The following GRM4 variants were observed in gnomAD, a reference collection of about 807,000 sequenced individuals.
The protein encoded by GRM4 is metabotropic glutamate receptor 4.
Under a neutral mutation model 81.7 loss-of-function variants are expected in GRM4, and 28 were observed. The observed-to-expected ratio is 0.34, with a 90% CI of 0.25 to 0.47. The LOEUF is 0.47. Ranked by LOEUF, GRM4 falls within the 20% of genes least tolerant of loss-of-function variation. The probability of loss-of-function intolerance (pLI) is 1.00; values close to 1 mark genes in which losing one functional copy is unlikely to be tolerated. For missense variants in GRM4, 948 were observed against 1,290.0 expected (o/e 0.73, Z 4.06); for synonymous variants, 488 against 528.8 (o/e 0.92, Z 1.06).
intron 1 of GRM4, among the ~76,000 whole-genome samples, chr6:34,154,329 CCT>C (rs1771103682): frequency 6.6e-6 from 1 of 152,224 alleles, no homozygotes; most frequent in African/African-American, 2.4e-5. Context: ...CTCGTTCTCA[CCT>C]CTGTGGCCAA....
At chr6:34,120,524 T>C (rs993672394) in intron 2 of GRM4, among the ~76,000 whole-genome samples, 3 of 152,198 alleles carry the variant, frequency 2.0e-5, no homozygotes, top group Non-Finnish European at 4.4e-5. Flanking sequence ...TCAAAGTACT[T>C]ACAAGGCACT....
In GRM4 at chr6:34,136,650, A is replaced by G. The variant is rs1459790092; in HGVS notation, c.-363-2791T>C. On this transcript the variant is annotated intron_variant, in intron 1 of 10. Coordinates refer to ENST00000538487, the MANE Select transcript of GRM4 (RefSeq NM_000841.4). This position sits in a 1 kb window ranked among gnomAD's most constrained non-coding sequence, Gnocchi z 4.1. ...GGGGGAAGGAGGCCTCCAAGAGGAG[A>G]AAGGCAAACACCCGCAGATTAGAAT... 1.3e-5 allele frequency among the ~76,000 whole-genome samples: 2 copies of G among 151,894 alleles called. No homozygotes were observed. Among genetic ancestry groups the G allele is most frequent in the Admixed American group, 1.3e-4 (2 of 15,262 alleles).
chr6:34,061,843 C>G (rs767061778), intron 4 of GRM4, 50 bp downstream of exon 4: 2 of 1,578,490 alleles, frequency 1.3e-6, no homozygotes, highest in Admixed American at 3.4e-5. Flanking sequence ...CGTGGCTTTG[C>G]CCACACCTGC....
In GRM4 at chr6:34,087,683, C is replaced by T. The variant is rs116684137; in HGVS notation, c.736+4200G>A. ...TGCAACCAGAAGGTCCACACGTGCCCGCACACACACACACAACCCCCCCCC... is the reference window on the plus strand; with the variant it reads ...TGCAACCAGAAGGTCCACACGTGCCTGCACACACACACACAACCCCCCCCC... On this transcript the variant is annotated intron_variant, in intron 3 of 10. Transcript: ENST00000538487. Among the ~76,000 whole-genome samples, 831 of 143,236 alleles carry T rather than the reference C, an allele frequency of 5.8e-3. 5 individuals are homozygous for T. Among genetic ancestry groups the T allele is most frequent in the African/African-American group, 0.022 (787 of 35,036 alleles). The allele number at this position is 143,236 out of a possible 152,430, so 94.0% of individuals were successfully genotyped here.
At chr6:34,040,369 G>C (rs1422801934) in intron 7 of GRM4, 55 bp from the exon 8 acceptor site, 31 of 1,591,366 alleles carry the variant, frequency 1.9e-5, no homozygotes, top group Non-Finnish European at 2.3e-5. Context: ...CAGGGCGGAT[G>C]ATGAGCCTGG....
chr6:34,155,118 G>T (rs1330471952), exon 1 of GRM4: 3 of 1,530,328 alleles, frequency 2.0e-6, no homozygotes, highest in Admixed American at 2.0e-5. Context: ...GGCGGCGGGG[G>T]TCTATTTCAG....
chr6:34,083,678 G>T (rs1439741414), intron 3 of GRM4, among the ~76,000 whole-genome samples: 1 of 152,218 alleles, frequency 6.6e-6, no homozygotes, highest in Non-Finnish European at 1.5e-5. Flanking sequence ...AGAGGGCAGA[G>T]TGCTCAGCCT....
At chr6:34,110,862 G>A (rs1769346247) in intron 2 of GRM4, 5 of 1,320,352 alleles carry the variant, frequency 3.8e-6, no homozygotes, top group South Asian at 2.2e-5. Flanking sequence ...CAGGCCTGGA[G>A]GTGAGGAGAT....
In GRM4 at chr6:34,090,448, C is replaced by A. The variant is rs969022997; in HGVS notation, c.736+1435G>T. Among the ~76,000 whole-genome samples, 1 of 152,078 alleles carries A rather than the reference C, an allele frequency of 6.6e-6. No individual in the cohort carries two copies. The highest frequency in any genetic ancestry group is 6.6e-5 in the Admixed American group (1 of 15,266). Reference sequence around the variant, plus strand: ...AAAGGAGGAAAGGACATGTGGGTGGCCCAAGGGAGGGGCTGGGCTCTGGGG... The same window carrying A: ...AAAGGAGGAAAGGACATGTGGGTGGACCAAGGGAGGGGCTGGGCTCTGGGG... On this transcript the variant is annotated intron_variant, in intron 3 of 10. Transcript: ENST00000538487. This position sits in a 1 kb window ranked among gnomAD's most constrained non-coding sequence, Gnocchi z 5.2.
intron 1 of GRM4, among the ~76,000 whole-genome samples, chr6:34,145,110 C>T (rs1770871084): frequency 1.3e-5 from 2 of 152,052 alleles, no homozygotes; most frequent in Admixed American, 1.3e-4. Flanking sequence ...AGGTTTAAGC[C>T]GCGGCGAGGG....
At chr6:34,056,477 C>A in intron 6 of GRM4, 67 bp downstream of exon 6, 2 of 1,409,820 alleles carry the variant, frequency 1.4e-6, no homozygotes, top group Non-Finnish European at 2.0e-6. Flanking sequence ...CGGCCTCAGG[C>A]CCCCAGGCTC....
At chr6:34,072,617 CAT>C (rs1202793145) in intron 3 of GRM4, among the ~76,000 whole-genome samples, 70 of 5,496 alleles carry the variant, frequency 0.013, 1 homozygote, top group Middle Eastern at 0.083. Flanking sequence ...CACACACACA[CAT>C]CACCGCATAG....
At chr6:34,132,588 T>C (rs529070160) in intron 2 of GRM4, among the ~76,000 whole-genome samples, 2 of 152,366 alleles carry the variant, frequency 1.3e-5, no homozygotes, top group East Asian at 3.9e-4. Context: ...CACCTGCGTA[T>C]CTTTTTATCT....
intron 9 of GRM4, among the ~76,000 whole-genome samples, chr6:34,033,386 AG>A (rs897389387): frequency 9.1e-4 from 137 of 150,930 alleles, no homozygotes; most frequent in African/African-American, 3.0e-3. Context: ...CCAGAGCTGC[AG>A]GGGGGAAGGG....
chr6:34,040,430 A>G (rs1456597152), intron 7 of GRM4, 116 bp from the exon 8 acceptor site: 1 of 1,435,516 alleles, frequency 7.0e-7, no homozygotes, highest in Non-Finnish European at 9.7e-7. Flanking sequence ...GGGAGATTTC[A>G]CCTCTTGGAA....
intron 2 of GRM4, among the ~76,000 whole-genome samples, chr6:34,093,128 CT>C (rs1358646501): frequency 6.6e-6 from 1 of 152,198 alleles, no homozygotes; most frequent in Admixed American, 6.5e-5. Context: ...TTTTATGCCC[CT>C]AAGGAATCAC....
chr6:34,155,296 G>A (rs374131765), exon 1 of GRM4: 3 of 1,532,324 alleles, frequency 2.0e-6, no homozygotes, highest in Non-Finnish European at 1.7e-6. Flanking sequence ...GGAAGGTGGG[G>A]TACAGGGGTG....
rs1180558189 is a variant in GRM4 at position 34,089,188 on chromosome 6, C to T, written c.736+2695G>A. On this transcript the variant is annotated intron_variant, in intron 3 of 10. Transcript: ENST00000538487. This position sits in a 1 kb window ranked among gnomAD's most constrained non-coding sequence, Gnocchi z 4.3. ...CCCAGCCTGGCCAGCATGCCCTCCC[C>T]ACCACTCCCCTCTCTGGTGCTCCTC... Among the ~76,000 whole-genome samples the T allele has an allele frequency of 1.3e-5, 2 of 152,176 alleles. No homozygotes were observed. The highest frequency in any genetic ancestry group is 4.8e-5 in the African/African-American group (2 of 41,430).
rs949107430 is a variant in GRM4 at position 34,034,732 on chromosome 6, A to C, written c.2442+936T>G. ...AAAGGGACATGGTCCCAATTTACTG[A>C]TGAAGAAACTGAGGCCAGGGAGGCC... On this transcript the variant is annotated intron_variant, in intron 9 of 10. Coordinates refer to ENST00000538487, the MANE Select transcript of GRM4 (RefSeq NM_000841.4). This position sits in a 1 kb window ranked among gnomAD's most constrained non-coding sequence, Gnocchi z 4.0. 2.6e-5 allele frequency among the ~76,000 whole-genome samples: 4 copies of C among 152,206 alleles called. No homozygotes were observed. The highest frequency in any genetic ancestry group is 5.9e-5 in the Non-Finnish European group (4 of 68,032).
Sources: gnomAD v4.1 joint callset for allele counts (sites outside exome capture counted in the v4.1 genomes callset) on GRCh38, gnomAD v4.1.1 for gene constraint, Gnocchi (gnomAD v3.1) non-coding constraint, MANE v1.5 for transcripts, NCBI Gene and HGNC (gene_info 2026-07-23, HGNC 2026-07-21) for gene names.